Variants in HELZ observed in about 807,000 individuals in gnomAD.
HELZ encodes the protein ATP-dependent RNA helicase with zinc finger domain.
In HELZ, 23 loss-of-function variants were observed where a neutral mutation model predicts 218.2. The observed-to-expected ratio is 0.11, with a 90% CI of 0.08 to 0.15. The LOEUF (loss-of-function observed/expected upper bound fraction) is 0.15. Ranked by LOEUF, HELZ falls within the 10% of genes least tolerant of loss-of-function variation. The pLI is 1.00. For synonymous variants in HELZ, 814 were observed against 829.4 expected, an observed-to-expected ratio of 0.98 and a Z score of 0.32; for missense variants, 1,813 against 2,353.7, an observed-to-expected ratio of 0.77 and a Z score of 4.75.
chr17:67,245,357 C>T (rs969540422), upstream of HELZ: 5 of 715,882 alleles, frequency 7.0e-6, no homozygotes, highest in African/African-American at 1.9e-5. Flanking sequence ...CCTTCCCCTC[C>T]CCCGGGCTGA....
chr17:67,177,456 T>C (rs1356420816), intron 13 of HELZ, among the ~76,000 whole-genome samples: 1 of 152,062 alleles, frequency 6.6e-6, no homozygotes, highest in Non-Finnish European at 1.5e-5. Flanking sequence ...TATAATTTTT[T>C]CTGAATTCCT....
chr17:67,137,626 G>A (rs1010164962), intron 22 of HELZ, among the ~76,000 whole-genome samples: 2 of 152,080 alleles, frequency 1.3e-5, no homozygotes, highest in African/African-American at 2.4e-5. Flanking sequence ...CTCAGATACC[G>A]TATAACAGCA....
At chr17:67,200,228 T>C (rs1450729804) in intron 7 of HELZ, among the ~76,000 whole-genome samples, 1 of 152,158 alleles carries the variant, frequency 6.6e-6, no homozygotes, top group African/African-American at 2.4e-5. Flanking sequence ...TAAAAATACT[T>C]TTATATGCCT....
At chr17:67,128,147 T>C (rs1323823881) in intron 24 of HELZ, among the ~76,000 whole-genome samples, 37 of 152,162 alleles carry the variant, frequency 2.4e-4, no homozygotes, top group Non-Finnish European at 1.5e-5. Context: ...AAAATATGTG[T>C]CAAAATCAAT....
chr17:67,127,060 A>G (rs1380626516), intron 24 of HELZ, among the ~76,000 whole-genome samples: 2 of 152,194 alleles, frequency 1.3e-5, no homozygotes, highest in Non-Finnish European at 2.9e-5. Context: ...CAAATAATAC[A>G]GGCAAAAATC....
At chr17:67,237,910 C>T (rs1001646239) in intron 3 of HELZ, among the ~76,000 whole-genome samples, 1 of 151,332 alleles carries the variant, frequency 6.6e-6, no homozygotes, top group African/African-American at 2.4e-5. Context: ...ATCACTTGAA[C>T]CCAAGAGGCA....
intron 27 of HELZ, among the ~76,000 whole-genome samples, chr17:67,116,217 A>G (rs527392126): frequency 3.9e-5 from 6 of 152,240 alleles, no homozygotes; most frequent in African/African-American, 1.4e-4. Context: ...CATTAAAAAA[A>G]AAAATACTCT....
intron 25 of HELZ, among the ~76,000 whole-genome samples, chr17:67,123,717 A>G (rs547837575): frequency 2.6e-5 from 4 of 152,294 alleles, no homozygotes; most frequent in Admixed American, 2.0e-4. Context: ...GGATATGTAC[A>G]TGAATACCTA....
Position 67,145,897 on chromosome 17 carries a change from T to C in HELZ, c.2622-7A>G, listed in dbSNP as rs1311855130. 10 of 1,595,744 alleles carry C rather than the reference T, an allele frequency of 6.3e-6. No homozygotes were observed. Among genetic ancestry groups the C allele is most frequent in the African/African-American group, 1.4e-5 (1 of 73,454 alleles). On this transcript the variant is annotated splice_polypyrimidine_tract_variant and splice_region_variant and intron_variant, in intron 20 of 32. Transcript: ENST00000358691. ...GAAAAGCTCAGAGGTATAACTGCAG[T>C]AAAAGACAAAAAGAAAAAAGGGGGA...
chr17:67,196,880 A>C (rs1411710656), intron 7 of HELZ, among the ~76,000 whole-genome samples: 1 of 151,980 alleles, frequency 6.6e-6, no homozygotes. Context: ...ATATTCTCCA[A>C]ATCTTGTCCA....
chr17:67,102,776 C>T (rs1047875398), intron 31 of HELZ, among the ~76,000 whole-genome samples: 1 of 152,120 alleles, frequency 6.6e-6, no homozygotes, highest in Admixed American at 6.5e-5. Flanking sequence ...TCAGTGTTGT[C>T]AGTAAATCAC....
chr17:67,091,098 G>C (rs925324837), intron 31 of HELZ, among the ~76,000 whole-genome samples: 1 of 151,854 alleles, frequency 6.6e-6, no homozygotes, highest in Non-Finnish European at 1.5e-5. Flanking sequence ...ACACAAATTA[G>C]GACAGGCTAT....
rs754447574 is a variant in HELZ, at chr17:67,149,899, T to C, written c.2443A>G (p.Thr815Ala). 2 of 1,608,924 alleles carry C rather than the reference T, an allele frequency of 1.2e-6. No homozygotes were observed. Among genetic ancestry groups the C allele is most frequent in the South Asian group, 1.1e-5 (1 of 90,400 alleles). Residue 815 changes from threonine to alanine, a missense_variant, in exon 19 of 33, where the codon ACT becomes GCT. Around this residue, in one of 4 missense-constraint regions of HELZ, gnomAD observed 714 missense variants for 1,029.2 expected, o/e 0.69. Coordinates refer to ENST00000358691, the MANE Select transcript of HELZ (RefSeq NM_014877.4). ...IMPLALATQNTRIVLAGDHMQ... is the reference protein window; with the variant it reads ...IMPLALATQNARIVLAGDHMQ... ...TGATCACCAGCCAAGACAATCCGAG[T>C]GTTTTGAGTTGCTAATGCTAGAGGC...
chr17:67,089,235 A>G (rs1300348764), intron 31 of HELZ, among the ~76,000 whole-genome samples: 1 of 152,212 alleles, frequency 6.6e-6, no homozygotes, highest in Middle Eastern at 3.2e-3. Flanking sequence ...CGTTAACTTT[A>G]TAAGCCCCTT....
intron 32 of HELZ, 61 bp from the exon 33 acceptor site, chr17:67,078,647 A>T: frequency 8.3e-7 from 1 of 1,209,848 alleles, no homozygotes. Context: ...CATGTGCCTC[A>T]TTCACTCAGT....
intron 31 of HELZ, among the ~76,000 whole-genome samples, chr17:67,099,400 GA>G (rs753789624): frequency 6.6e-6 from 1 of 152,032 alleles, no homozygotes; most frequent in Non-Finnish European, 1.5e-5. Context: ...GAGATTCTGT[GA>G]AGTTCAGTAT....
At chr17:67,166,055 A>G (rs533402586) in intron 15 of HELZ, among the ~76,000 whole-genome samples, 66 of 152,258 alleles carry the variant, frequency 4.3e-4, no homozygotes, top group African/African-American at 1.5e-3. Context: ...GAGTTGCTTG[A>G]GCCCGGGAGT....
At position 67,108,994 on chromosome 17, in the gene HELZ, TG is replaced by T; in HGVS notation, c.4489+121del. On this transcript the variant is annotated intron_variant, in intron 29 of 32. Coordinates refer to ENST00000358691, the MANE Select transcript of HELZ (RefSeq NM_014877.4). This position sits in a 1 kb window ranked among gnomAD's most constrained non-coding sequence, Gnocchi z 4.1. The stretch of plus-strand genomic sequence containing the variant: ...ACTAGTTTCTGATTATCACACTAAA[TG>T]GGGGGGTTTTGCTAGCATTATTTGA... 7 of 806,054 alleles carry T rather than the reference TG, an allele frequency of 8.7e-6. No individual in the cohort carries two copies. Among genetic ancestry groups the T allele is most frequent in the Non-Finnish European group, 1.2e-5 (6 of 511,788 alleles). 49.9% of individuals were successfully genotyped at this position (806,054 alleles called of 1,614,324 possible).
intron 20 of HELZ, among the ~76,000 whole-genome samples, chr17:67,146,382 C>T (rs963240616): frequency 6.6e-6 from 1 of 152,156 alleles, no homozygotes; most frequent in African/African-American, 2.4e-5. Flanking sequence ...GTATTCAGTA[C>T]AGTAGCATGC....
Sources: allele counts gnomAD v4.1 joint callset (sites outside exome capture counted in the v4.1 genomes callset), GRCh38; gene constraint gnomAD v4.1.1; regional missense constraint gnomAD v4.1.1; non-coding constraint Gnocchi (gnomAD v3.1); transcripts MANE v1.5; gene names NCBI Gene and HGNC (gene_info 2026-07-23, HGNC 2026-07-21).